FSIP2: variants seen among roughly 807,000 people sequenced by gnomAD.
FSIP2 encodes fibrous sheath interacting protein 2.
FSIP2 carries 367 observed loss-of-function variants against 510.5 expected under a neutral mutation model. That is an observed-to-expected ratio of 0.72 (90% CI 0.66 to 0.78). The LOEUF (loss-of-function observed/expected upper bound fraction) is 0.78. Ranked by LOEUF, FSIP2 falls within the 30% of genes least tolerant of loss-of-function variation. The pLI is 0.00. For synonymous variants in FSIP2, 2,601 were observed against 2,732.2 expected, an observed-to-expected ratio of 0.95 and a Z score of 1.50; for missense variants, 7,594 against 7,901.7, an observed-to-expected ratio of 0.96 and a Z score of 1.48.
intron 21 of FSIP2, among the ~76,000 whole-genome samples, chr2:185,830,167 A>G (rs1159312620): frequency 6.6e-6 from 1 of 151,902 alleles, no homozygotes; most frequent in Non-Finnish European, 1.5e-5. Context: ...TGTTCTCTAC[A>G]GGATTTTGAA....
At chr2:185,819,170 T>G (rs1287318613) in intron 19 of FSIP2, among the ~76,000 whole-genome samples, 1 of 151,792 alleles carries the variant, frequency 6.6e-6, no homozygotes, top group African/African-American at 2.4e-5. Flanking sequence ...ATCCTTGTAG[T>G]AAGCACAAAG....
intron 13 of FSIP2, among the ~76,000 whole-genome samples, chr2:185,775,813 A>G (rs6746722): frequency 0.54 from 82,637 of 151,848 alleles, 22,745 homozygotes; most frequent in South Asian, 0.64. Context: ...ACAGGTGTGC[A>G]CCACCATACT....
Position 185,802,678 on chromosome 2 carries a change from C to T in FSIP2, c.13372C>T (p.Pro4458Ser). The part of the protein sequence containing the change: ...SKSTEPSQSV[P>S]LYNTLLPYTF... ...ATCTACTGAGCCAAGCCAGAGTGTACCTCTATATAACACCTTGCTGCCATA... is the reference window on the plus strand; with the variant it reads ...ATCTACTGAGCCAAGCCAGAGTGTATCTCTATATAACACCTTGCTGCCATA... Residue 4458 changes from proline to serine, a missense_variant, in exon 17 of 23, where the codon CCT (proline) becomes TCT (serine). Pro to Ser is a moderately conservative substitution (Grantham distance 74). Coordinates refer to ENST00000424728, the MANE Select transcript of FSIP2 (RefSeq NM_173651.4). 6.5e-7 allele frequency: 1 copy of T among 1,533,034 alleles called. No individual in the cohort carries two copies. The highest frequency in any genetic ancestry group is 1.2e-5 in the South Asian group (1 of 83,838). The allele number at this position is 1,533,034 out of a possible 1,614,324, so 95.0% of individuals were successfully genotyped here.
chr2:185,779,779 C>T (rs375742172), intron 13 of FSIP2, among the ~76,000 whole-genome samples: 4 of 152,088 alleles, frequency 2.6e-5, no homozygotes, highest in South Asian at 4.2e-4. Context: ...GGATTATTGC[C>T]ATTTGTTCTA....
chr2:185,792,179 T>C lies in FSIP2; in HGVS notation c.5043T>C (p.Tyr1681=). 6.5e-7 allele frequency: 1 copy of C among 1,531,862 alleles called. No individual in the cohort carries two copies. Among genetic ancestry groups the C allele is most frequent in the Admixed American group, 2.0e-5 (1 of 50,534 alleles). The allele number at this position is 1,531,862 out of a possible 1,614,324, so 94.9% of individuals were successfully genotyped here. ...NPPPETQILK[Y]VVKLILDAVS... The stretch of plus-strand genomic sequence containing the variant: ...CACCTGAGACTCAAATACTTAAGTA[T>C]GTAGTCAAGTTAATTTTAGATGCAG... Residue 1681 remains tyrosine (Y), a synonymous_variant, in exon 16 of 23, where the codon TAT becomes TAC. Coordinates refer to ENST00000424728, the MANE Select transcript of FSIP2 (RefSeq NM_173651.4).
At position 185,802,120 on chromosome 2, in the gene FSIP2, A is replaced by C; in HGVS notation, c.12814A>C (p.Arg4272=). ...GAGTGGAGAGGTTTTATGTCATCCA[A>C]GGACTCCACTGGATCCAGTGTCTAC... ...FLSGEVLCHP[R]TPLDPVSTIV... Residue 4272 remains arginine (R), a synonymous_variant, in exon 17 of 23, where the codon AGG becomes CGG. Coordinates refer to ENST00000424728, the MANE Select transcript of FSIP2 (RefSeq NM_173651.4). 1 of 1,533,216 alleles carries C rather than the reference A, an allele frequency of 6.5e-7. No individual in the cohort carries two copies. Among genetic ancestry groups the C allele is most frequent in the Non-Finnish European group, 8.7e-7 (1 of 1,144,882 alleles). 95.0% of individuals were successfully genotyped at this position (1,533,216 alleles called of 1,614,324 possible). A position where few individuals can be genotyped will look rare whatever the true frequency, so the allele number is the denominator to read the frequency against.
At position 185,739,405 on chromosome 2, in the gene FSIP2, C is replaced by T. The variant is rs1691875626; in HGVS notation, c.159C>T (p.Leu53=). ...CGGCTCAGCTACTGGACCTACCTCTCGGGGTCAAGCTGCCTGTGATCCCAG... is the reference window on the plus strand; with the variant it reads ...CGGCTCAGCTACTGGACCTACCTCTTGGGGTCAAGCTGCCTGTGATCCCAG... ...VGPAQLLDLP[L]GVKLPVIPGS... The change falls in exon 2 of 23, where the codon CTC becomes CTT. Residue 53 remains leucine, a synonymous_variant. Coordinates refer to ENST00000424728, the MANE Select transcript of FSIP2 (RefSeq NM_173651.4). The T allele has an allele frequency of 1.3e-6, 2 of 1,535,006 alleles. No individual in the cohort carries two copies. Among genetic ancestry groups the T allele is most frequent in the African/African-American group, 1.4e-5 (1 of 72,882 alleles).
chr2:185,761,703 A>C (rs1264830578), intron 10 of FSIP2, among the ~76,000 whole-genome samples: 2 of 151,320 alleles, frequency 1.3e-5, no homozygotes, highest in African/African-American at 2.4e-5. Context: ...ATGTATTACC[A>C]TGCCTTTAGG....
At chr2:185,785,396 T>A (rs1013929733) in intron 14 of FSIP2, among the ~76,000 whole-genome samples, 2 of 152,076 alleles carry the variant, frequency 1.3e-5, no homozygotes, top group African/African-American at 4.8e-5. Context: ...GTTTTCAGTC[T>A]GGCTATTTCT....
At chr2:185,782,602 C>T (rs759523176) in intron 13 of FSIP2, 103 bp from the exon 14 acceptor site, 52 of 720,190 alleles carry the variant, frequency 7.2e-5, no homozygotes, top group South Asian at 3.1e-4. Context: ...AGCCTGTAAA[C>T]GAGGCAGTGA....
At position 185,790,282 on chromosome 2, in the gene FSIP2, T is replaced by C. The variant is rs1693089214; in HGVS notation, c.3146T>C (p.Ile1049Thr). 4 of 1,533,584 alleles carry C rather than the reference T, an allele frequency of 2.6e-6. No individual in the cohort carries two copies. Among genetic ancestry groups the C allele is most frequent in the Non-Finnish European group, 1.7e-6 (2 of 1,145,396 alleles). 95.0% of individuals were successfully genotyped at this position (1,533,584 alleles called of 1,614,324 possible). ...GNTCFECKRNIKPPTKPGSRS... is the reference protein window; with the variant it reads ...GNTCFECKRNTKPPTKPGSRS... The stretch of plus-strand genomic sequence containing the variant: ...ACTTGTTTTGAATGCAAAAGAAATA[T>C]CAAACCACCTACAAAGCCTGGTTCT... Residue 1049 changes from isoleucine (I) to threonine (T), a missense_variant, in exon 16 of 23, where the codon ATC (isoleucine) becomes ACC (threonine). Physicochemically the swap from Ile to Thr is moderately conservative, Grantham distance 89. Transcript: ENST00000424728.
Position 185,804,425 on chromosome 2 carries a change from T to A in FSIP2, c.15119T>A (p.Ile5040Asn). 1 of 1,509,246 alleles carries A rather than the reference T, an allele frequency of 6.6e-7. No homozygotes were observed. Among genetic ancestry groups the A allele is most frequent in the Non-Finnish European group, 8.8e-7 (1 of 1,130,666 alleles). The allele number at this position is 1,509,246 out of a possible 1,614,324, so 93.5% of individuals were successfully genotyped here. ...GKVLDQYKSLIQIHRVIQSDT... is the reference protein window; with the variant it reads ...GKVLDQYKSLNQIHRVIQSDT... ...GTATTAGATCAATATAAATCTCTGA[T>A]TCAAATACATAGGGTTATACAAAGT... Residue 5040 changes from isoleucine (I) to asparagine (N), a missense_variant, in exon 17 of 23, where the codon ATT (isoleucine) becomes AAT (asparagine). Coordinates refer to ENST00000424728, the MANE Select transcript of FSIP2 (RefSeq NM_173651.4).
chr2:185,802,197 G>A lies in FSIP2; in HGVS notation c.12891G>A (p.Lys4297=). The A allele has an allele frequency of 6.5e-7, 1 of 1,533,512 alleles. No homozygotes were observed. The highest frequency in any genetic ancestry group is 2.4e-5 in the East Asian group (1 of 40,834). 95.0% of individuals were successfully genotyped at this position (1,533,512 alleles called of 1,614,324 possible). ...SEVIESHRPQ[K]QSPLDIHLDS... ...TGATAGAGTCACACAGACCTCAGAAGCAATCACCTTTAGATATTCACCTTG... is the reference window on the plus strand; with the variant it reads ...TGATAGAGTCACACAGACCTCAGAAACAATCACCTTTAGATATTCACCTTG... Residue 4297 remains lysine (K), a synonymous_variant, in exon 17 of 23, where the codon AAG becomes AAA. Transcript: ENST00000424728.
intron 13 of FSIP2, among the ~76,000 whole-genome samples, chr2:185,779,496 T>C (rs1692797198): frequency 6.6e-6 from 1 of 152,118 alleles, no homozygotes; most frequent in Non-Finnish European, 1.5e-5. Flanking sequence ...CTCAAACATT[T>C]GTTATTTCTT....
chr2:185,738,919 T>C lies in FSIP2; in HGVS notation c.25T>C (p.Ser9Pro), dbSNP rs1423857718. 6.5e-6 allele frequency: 10 copies of C among 1,534,762 alleles called. No homozygotes were observed. The highest frequency in any genetic ancestry group is 1.4e-5 in the African/African-American group (1 of 73,022). Residue 9 changes from serine to proline, a missense_variant, in exon 1 of 23, where the codon TCC becomes CCC. By Grantham distance (74) the Ser-to-Pro change is moderately conservative. Coordinates refer to ENST00000424728, the MANE Select transcript of FSIP2 (RefSeq NM_173651.4). MELYLGAC[S>P]KPAKVAVTKT... ...CATGGAGCTGTACCTCGGCGCCTGC[T>C]CCAAGCCTGCCAAAGTCGCCGTCAC...
In FSIP2 at chr2:185,789,066, A is replaced by G; in HGVS notation, c.1930A>G (p.Lys644Glu). The G allele has an allele frequency of 6.5e-7, 1 of 1,534,634 alleles. No individual in the cohort carries two copies. Among genetic ancestry groups the G allele is most frequent in the Non-Finnish European group, 8.7e-7 (1 of 1,145,742 alleles). ...TTCATACCCTAAGCTCAGAAGTTGT[A>G]AATCAGATAGTCACCTTTTAGCATC... ...LYSYPKLRSC[K>E]SDSHLLASFE... The change falls in exon 16 of 23, where the codon AAA becomes GAA. Residue 644 changes from lysine to glutamate, a missense_variant. Lys to Glu is a moderately conservative substitution (Grantham distance 56). Transcript: ENST00000424728.
chr2:185,745,399 A>G (rs1302255269), intron 4 of FSIP2, 30 bp from the exon 5 acceptor site: 3 of 1,348,470 alleles, frequency 2.2e-6, no homozygotes, highest in Non-Finnish European at 3.0e-6. Flanking sequence ...AAAGCATTAT[A>G]TATATGTAAT....
intron 13 of FSIP2, among the ~76,000 whole-genome samples, chr2:185,781,900 C>T (rs2105594836): frequency 6.6e-6 from 1 of 151,566 alleles, no homozygotes; most frequent in East Asian, 1.9e-4. Flanking sequence ...TGCAGTGGCG[C>T]GATCTCGGCT....
chr2:185,825,180 A>C (rs1163834229), intron 20 of FSIP2, among the ~76,000 whole-genome samples: 1 of 151,858 alleles, frequency 6.6e-6, no homozygotes, highest in Non-Finnish European at 1.5e-5. Flanking sequence ...TTTTATCAAG[A>C]TAATCCATAA....
Sources: gnomAD v4.1 joint callset for allele counts (sites outside exome capture counted in the v4.1 genomes callset) on GRCh38, gnomAD v4.1.1 for gene constraint, MANE v1.5 for transcripts, NCBI Gene and HGNC (gene_info 2026-07-23, HGNC 2026-07-21) for gene names.